The following TMPRSS11B variants were observed in gnomAD, a reference collection of about 807,000 sequenced individuals.
The protein encoded by TMPRSS11B is transmembrane protease serine 11B.
A neutral mutation model predicts 44.7 loss-of-function variants in TMPRSS11B; 53 were observed. The observed-to-expected ratio is 1.19, with a 90% confidence interval of 0.95 to 1.49. TMPRSS11B has a LOEUF of 1.49. Among genes scored for constraint, TMPRSS11B ranks in the 40% most tolerant of loss-of-function variants. TMPRSS11B has a pLI of 0.00. For synonymous variants in TMPRSS11B, 140 were observed against 159.2 expected (o/e 0.88, Z 0.91); for missense variants, 526 against 494.8 (o/e 1.06, Z -0.60).
chr4:68,229,996 A>G (rs1322363480), intron 7 of TMPRSS11B, among the ~76,000 whole-genome samples: 1 of 152,192 alleles, frequency 6.6e-6, no homozygotes, highest in African/African-American at 2.4e-5. Flanking sequence ...CCCACTTATA[A>G]GCAAGAAGAT....
rs777083044 is a variant in TMPRSS11B, at chr4:68,245,593, C to A, written c.-35G>T. The A allele has an allele frequency of 2.9e-5, 47 of 1,611,008 alleles. No homozygotes were observed. Among genetic ancestry groups the A allele is most frequent in the Non-Finnish European group, 3.7e-5 (44 of 1,177,820 alleles). On this transcript the variant is annotated 5_prime_UTR_variant, in exon 1 of 10. Transcript: ENST00000332644. ...ATTGTTATGGCAGTATCAGGTATAA[C>A]GGTGGTAATGATGATGACGAAGATA...
rs1002287090 is a variant in TMPRSS11B at position 68,228,753 on chromosome 4, C to G, written c.1078G>C (p.Asp360His). ...GTAACTAGACATACCTGACATGCATCAGCTTCTCCTGACATAAATCCAGCA... is the reference window on the plus strand; with the variant it reads ...GTAACTAGACATACCTGACATGCATGAGCTTCTCCTGACATAAATCCAGCA... ...LCAGFMSGEA[D>H]ACQNDSGGPL... Residue 360 changes from aspartate to histidine, a missense_variant, in exon 9 of 10, where the codon GAT (aspartate) becomes CAT (histidine). By Grantham distance (81) the Asp-to-His change is moderately conservative (BLOSUM62 -1). Transcript: ENST00000332644. 10 of 1,609,498 alleles carry G rather than the reference C, an allele frequency of 6.2e-6. No homozygotes were observed. The highest frequency in any genetic ancestry group is 8.5e-6 in the Non-Finnish European group (10 of 1,178,190).
intron 1 of TMPRSS11B, among the ~76,000 whole-genome samples, chr4:68,242,338 A>ATAT (rs1553896883): frequency 1.4e-4 from 7 of 50,916 alleles, no homozygotes; most frequent in African/African-American, 6.0e-4. Flanking sequence ...ATTATATTAT[A>ATAT]TATATATTAT....
intron 1 of TMPRSS11B, among the ~76,000 whole-genome samples, chr4:68,242,279 A>ATATAT (rs1272536547): frequency 1.3e-5 from 1 of 77,736 alleles, no homozygotes; most frequent in African/African-American, 5.8e-5. Flanking sequence ...ATAATATTAT[A>ATATAT]TATATTATAT....
chr4:68,226,929 A>C lies in TMPRSS11B; in HGVS notation c.*982T>G, dbSNP rs896469058. ...AATTGCCACTCAAAAGTCATTCTTT[A>C]ATTCCTGACAAATTTTGGATGTCAA... On this transcript the variant is annotated 3_prime_UTR_variant, in exon 10 of 10. Coordinates refer to ENST00000332644, the MANE Select transcript of TMPRSS11B (RefSeq NM_182502.3). 2 of 152,234 alleles carry C rather than the reference A, an allele frequency of 1.3e-5. No homozygotes were observed. Among genetic ancestry groups the C allele is most frequent in the African/African-American group, 4.8e-5 (2 of 41,456 alleles). 9.4% of individuals were successfully genotyped at this position (152,234 alleles called of 1,614,324 possible).
chr4:68,229,112 C>G, intron 8 of TMPRSS11B, 145 bp downstream of exon 8: 11 of 977,890 alleles, frequency 1.1e-5, no homozygotes, highest in Non-Finnish European at 1.7e-5. Flanking sequence ...AATTTGACAT[C>G]ATGCTTTTTG....
chr4:68,243,481 T>C (rs1719917001), intron 1 of TMPRSS11B, among the ~76,000 whole-genome samples: 1 of 152,166 alleles, frequency 6.6e-6, no homozygotes, highest in South Asian at 2.1e-4. Context: ...TAATTAGTGT[T>C]TCGCAGAACC....
At chr4:68,232,682 A>G (rs764130088) in intron 5 of TMPRSS11B, among the ~76,000 whole-genome samples, 2 of 152,198 alleles carry the variant, frequency 1.3e-5, no homozygotes, top group Non-Finnish European at 2.9e-5. Context: ...TAAAATATTC[A>G]GTGCTGTAAG....
rs776663314 is a variant in TMPRSS11B, at chr4:68,236,213, C to T, written c.178G>A (p.Asp60Asn). The change falls in exon 3 of 10, where the codon GAT (aspartate) becomes AAT (asparagine). Residue 60 changes from aspartate to asparagine, a missense_variant. Coordinates refer to ENST00000332644, the MANE Select transcript of TMPRSS11B (RefSeq NM_182502.3). ...TGTGAAGCTGCGTTTTCACAATTAT[C>T]ATTGTATGTGACTCCAGAAATATGA... ...DFHISGVTYN[D>N]NCENAASQAS... 3 of 1,612,586 alleles carry T rather than the reference C, an allele frequency of 1.9e-6. No homozygotes were observed. The highest frequency in any genetic ancestry group is 2.5e-6 in the Non-Finnish European group (3 of 1,179,312).
Position 68,231,126 on chromosome 4 carries a change from A to C in TMPRSS11B, c.686+77T>G, listed in dbSNP as rs141846966. The C allele has an allele frequency of 2.0e-3, 2,672 of 1,306,922 alleles. 30 individuals are homozygous for C. In the African/African-American group the frequency reaches 0.027, roughly 13 times the overall value. 81.0% of individuals were successfully genotyped at this position (1,306,922 alleles called of 1,614,324 possible). ...ATATGGCCTTGGTGAACCTTGACACATTAAGTTAACCCCTACAAACTATCC... is the reference window on the plus strand; with the variant it reads ...ATATGGCCTTGGTGAACCTTGACACCTTAAGTTAACCCCTACAAACTATCC... On this transcript the variant is annotated intron_variant, in intron 7 of 9. Coordinates refer to ENST00000332644, the MANE Select transcript of TMPRSS11B (RefSeq NM_182502.3).
intron 6 of TMPRSS11B, 84 bp downstream of exon 6, chr4:68,232,294 A>G (rs1273126478): frequency 7.6e-7 from 1 of 1,311,274 alleles, no homozygotes; most frequent in East Asian, 2.3e-5. Context: ...TCCACATGAC[A>G]TATTTCAAGT....
intron 8 of TMPRSS11B, 53 bp from the exon 9 acceptor site, chr4:68,228,937 A>G (rs1719431024): frequency 6.4e-7 from 1 of 1,567,452 alleles, no homozygotes; most frequent in Non-Finnish European, 8.7e-7. Context: ...TGCTGGGACA[A>G]AGAATATCTA....
rs1255323469 is a variant in TMPRSS11B at position 68,231,369 on chromosome 4, G to C, written c.520C>G (p.Gln174Glu). ...EMLTNNCCGR[Q>E]VANSIITGNK... ...CCAGTTATGATACTGTTGGCTACTT[G>C]TCTCCCACAACCTAGAGAAAGGATT... Residue 174 changes from glutamine to glutamate, a missense_variant, in exon 7 of 10, where the codon CAA (glutamine) becomes GAA (glutamate). Physicochemically the swap from Gln to Glu is conservative, Grantham distance 29. Transcript: ENST00000332644. The C allele has an allele frequency of 1.2e-6, 2 of 1,612,026 alleles. No individual in the cohort carries two copies. The highest frequency in any genetic ancestry group is 8.5e-7 in the Non-Finnish European group (1 of 1,179,046).
intron 1 of TMPRSS11B, among the ~76,000 whole-genome samples, chr4:68,242,585 T>G (rs1719891716): frequency 6.6e-6 from 1 of 150,508 alleles, no homozygotes; most frequent in Non-Finnish European, 1.5e-5. Flanking sequence ...CTTTCTTTTT[T>G]TTGAGACAGA....
chr4:68,231,477 A>T (rs918069798), intron 6 of TMPRSS11B, 97 bp from the exon 7 acceptor site: 13 of 1,106,520 alleles, frequency 1.2e-5, no homozygotes, highest in Admixed American at 2.6e-5. Context: ...TTCAGTGATT[A>T]TTCAACTTCT....
chr4:68,228,698 T>G (rs1719421161), intron 9 of TMPRSS11B, 44 bp downstream of exon 9: 1 of 1,552,826 alleles, frequency 6.4e-7, no homozygotes, highest in East Asian at 2.3e-5. Context: ...AACTTCCATT[T>G]GATTAACTGG....
intron 2 of TMPRSS11B, among the ~76,000 whole-genome samples, chr4:68,237,226 G>GA (rs766118896): frequency 6.6e-6 from 1 of 152,066 alleles, no homozygotes; most frequent in Admixed American, 6.5e-5. Flanking sequence ...TGCTGAGAAT[G>GA]ATGGTTTCCA....
At chr4:68,240,080 A>G (rs1719782616) in intron 2 of TMPRSS11B, among the ~76,000 whole-genome samples, 1 of 152,204 alleles carries the variant, frequency 6.6e-6, no homozygotes, top group Non-Finnish European at 1.5e-5. Flanking sequence ...AAAGTTAAAA[A>G]AAGTTGATTG....
intron 2 of TMPRSS11B, among the ~76,000 whole-genome samples, chr4:68,237,729 GA>G (rs1719711540): frequency 6.6e-6 from 1 of 152,146 alleles, no homozygotes; most frequent in Non-Finnish European, 1.5e-5. Flanking sequence ...TTAAAAATAG[GA>G]ATTACCAAGA....
Sources: gnomAD v4.1 joint callset for allele counts (sites outside exome capture counted in the v4.1 genomes callset) on GRCh38, gnomAD v4.1.1 for gene constraint, MANE v1.5 for transcripts, NCBI Gene and HGNC (gene_info 2026-07-23, HGNC 2026-07-21) for gene names.